Variants in TMEM171 observed in about 807,000 individuals in gnomAD.
TMEM171 encodes the protein proline-rich protein PRP2.
TMEM171 carries 16 observed loss-of-function variants against 19.1 expected under a neutral mutation model. That is an observed-to-expected ratio of 0.84 (90% confidence interval 0.57 to 1.27). The LOEUF is 1.27. Among genes scored for constraint, TMEM171 ranks in the 50% most tolerant of loss-of-function variants. The pLI is 0.00. For missense variants in TMEM171, 429 were observed against 412.7 expected (o/e 1.04, Z -0.34); for synonymous variants, 153 against 163.4 (o/e 0.94, Z 0.48).
In TMEM171 at chr5:73,123,752, AG is replaced by A; in HGVS notation, c.380del (p.Ser127ThrfsTer19). 1.2e-6 allele frequency: 2 copies of A among 1,614,092 alleles called. No individual in the cohort carries two copies. The highest frequency in any genetic ancestry group is 1.7e-6 in the Non-Finnish European group (2 of 1,179,966). On this transcript the variant is annotated frameshift_variant, in exon 2 of 4. Coordinates refer to ENST00000454765, the MANE Select transcript of TMEM171 (RefSeq NM_173490.8). LOFTEE classifies it high-confidence loss of function. ...GTTCTTGACAAGCGGCATGCTCATC[AG>A]CGTCCTGGGCATTTGGGTCCCTGGA... ...FLFLTSGMLI[S>X]VLGIWVPGCG...
chr5:73,120,950 C>G (rs1743992475), intron 1 of TMEM171, among the ~76,000 whole-genome samples: 1 of 152,180 alleles, frequency 6.6e-6, no homozygotes. Context: ...TGGAGAGGTG[C>G]TGTGAATTTT....
chr5:73,128,532 G>T lies in TMEM171; in HGVS notation c.782+1G>T. The T allele has an allele frequency of 6.2e-7, 1 of 1,613,758 alleles. No homozygotes were observed. Among genetic ancestry groups the T allele is most frequent in the Non-Finnish European group, 8.5e-7 (1 of 1,179,794 alleles). ...CATATTACAGTATTTTCAACTATGG[G>T]TAAGAATTTCAATTTGAACTTCAAG... On this transcript the variant is annotated splice_donor_variant, in intron 3 of 3. Coordinates refer to ENST00000454765, the MANE Select transcript of TMEM171 (RefSeq NM_173490.8). LOFTEE classifies it high-confidence loss of function.
intron 2 of TMEM171, among the ~76,000 whole-genome samples, chr5:73,125,586 CT>C (rs1162898247): frequency 6.6e-6 from 1 of 152,208 alleles, no homozygotes; most frequent in African/African-American, 2.4e-5. Flanking sequence ...AAAAAAGGGG[CT>C]CCCTTTAATT....
At chr5:73,127,804 A>G (rs1282288264) in intron 2 of TMEM171, among the ~76,000 whole-genome samples, 2 of 151,402 alleles carry the variant, frequency 1.3e-5, no homozygotes, top group Non-Finnish European at 2.9e-5. Flanking sequence ...GCAGTGGTAC[A>G]ATCATAGTTC....
At position 73,129,748 on chromosome 5, in the gene TMEM171, G is replaced by T. The variant is rs1744283889; in HGVS notation, c.782+1217G>T. The stretch of plus-strand genomic sequence containing the variant: ...CTTTAGATCATGGAGAGGTGTGAGG[G>T]TCTCAGGGGATCCCCAACAGTTACA... On this transcript the variant is annotated intron_variant, in intron 3 of 3. Transcript: ENST00000454765. Among the ~76,000 whole-genome samples, 3 of 152,308 alleles carry T rather than the reference G, an allele frequency of 2.0e-5. No homozygotes were observed. The South Asian group carries it at 6.2e-4, about 32-fold the overall frequency.
chr5:73,121,949 G>C (rs1192551357), intron 1 of TMEM171, among the ~76,000 whole-genome samples: 1 of 152,198 alleles, frequency 6.6e-6, no homozygotes, highest in Non-Finnish European at 1.5e-5. Flanking sequence ...GACTTACGGG[G>C]TCCTGGTAAA....
rs1217149532 is a variant in TMEM171 at position 73,123,973 on chromosome 5, G to A, written c.600G>A (p.Glu200=). 6.3e-7 allele frequency: 1 copy of A among 1,595,484 alleles called. No homozygotes were observed. Among genetic ancestry groups the A allele is most frequent in the Non-Finnish European group, 8.5e-7 (1 of 1,172,414 alleles). ...GCCAGGATGCCTCTGAGAGAGAAGA[G>A]GGACAGATCCAGATTATGGAGCCTG... ...NAGQDASERE[E]GQIQIMEPVQ... The change falls in exon 2 of 4, where the codon GAG becomes GAA. Residue 200 remains glutamate, a synonymous_variant. Coordinates refer to ENST00000454765, the MANE Select transcript of TMEM171 (RefSeq NM_173490.8).
At chr5:73,120,923 C>T (rs1337026237) in intron 1 of TMEM171, among the ~76,000 whole-genome samples, 3 of 152,184 alleles carry the variant, frequency 2.0e-5, no homozygotes, top group Admixed American at 1.3e-4. Context: ...TCCCCAAACG[C>T]ACCATAGCTT....
intron 3 of TMEM171, among the ~76,000 whole-genome samples, chr5:73,130,276 G>C (rs1358827877): frequency 3.9e-5 from 6 of 152,122 alleles, no homozygotes; most frequent in Non-Finnish European, 8.8e-5. Context: ...GGAGGGGCTT[G>C]TGCATACCCC....
chr5:73,120,594 G>A lies in TMEM171; in HGVS notation c.-171G>A, dbSNP rs1743974398. On this transcript the variant is annotated 5_prime_UTR_variant, in exon 1 of 4. In the 5' UTR this introduces an upstream ATG that the reference lacks. Transcript: ENST00000454765. ...CGCACCAGGACGCGCGGTGGGTAGGGTGCAGGGCGGCCGGCGCAGCCGAGG... is the reference window on the plus strand; with the variant it reads ...CGCACCAGGACGCGCGGTGGGTAGGATGCAGGGCGGCCGGCGCAGCCGAGG... 3.0e-6 allele frequency: 3 copies of A among 985,048 alleles called. No individual in the cohort carries two copies. The highest frequency in any genetic ancestry group is 1.7e-5 in the African/African-American group (1 of 57,278). 61.0% of individuals were successfully genotyped at this position (985,048 alleles called of 1,614,324 possible).
chr5:73,125,162 C>T (rs953691820), intron 2 of TMEM171, among the ~76,000 whole-genome samples: 1 of 152,152 alleles, frequency 6.6e-6, no homozygotes, highest in Non-Finnish European at 1.5e-5. Context: ...AGGGTAGATG[C>T]TCCCAGCTTA....
In TMEM171 at chr5:73,128,479, A is replaced by G; in HGVS notation, c.730A>G (p.Ser244Gly). 1 of 1,614,146 alleles carries G rather than the reference A, an allele frequency of 6.2e-7. No individual in the cohort carries two copies. Among genetic ancestry groups the G allele is most frequent in the South Asian group, 1.1e-5 (1 of 91,084 alleles). Residue 244 changes from serine (S) to glycine (G), a missense_variant, in exon 3 of 4, where the codon AGT becomes GGT. Physicochemically the swap from Ser to Gly is moderately conservative, Grantham distance 56. Coordinates refer to ENST00000454765, the MANE Select transcript of TMEM171 (RefSeq NM_173490.8). ...GGTCGCTGAGAGTCCTGGAACTAAC[A>G]GTCTGCTTCCGAATGAAAACCCCCC... ...SAVAESPGTN[S>G]LLPNENPPSY...
At chr5:73,126,134 C>A (rs754960373) in intron 2 of TMEM171, among the ~76,000 whole-genome samples, 3 of 152,124 alleles carry the variant, frequency 2.0e-5, no homozygotes, top group Non-Finnish European at 4.4e-5. Flanking sequence ...GGGCTGGAGA[C>A]CCTTGGAGGT....
intron 3 of TMEM171, among the ~76,000 whole-genome samples, chr5:73,131,224 AGT>A (rs56793908): frequency 5.5e-4 from 82 of 149,932 alleles, no homozygotes; most frequent in African/African-American, 5.6e-4. Context: ...GAGAACAGTA[AGT>A]GTGTGTGTGT....
intron 3 of TMEM171, 83 bp downstream of exon 3, chr5:73,128,614 T>C (rs1054258100): frequency 2.6e-6 from 4 of 1,522,270 alleles, no homozygotes; most frequent in Non-Finnish European, 2.7e-6. Flanking sequence ...CCAGGAGGCA[T>C]TCAAGTGTGA....
At position 73,125,895 on chromosome 5, in the gene TMEM171, A is replaced by G. The variant is rs572247832; in HGVS notation, c.640+1882A>G. Among the ~76,000 whole-genome samples, 3 of 152,356 alleles carry G rather than the reference A, an allele frequency of 2.0e-5. No homozygotes were observed. The South Asian group carries it at 6.2e-4, about 32-fold the overall frequency. ...CCTTTGATATTGTGGAATAGGGTTT[A>G]CATTTTTAGAATCCAAGAAGCATGC... On this transcript the variant is annotated intron_variant, in intron 2 of 3. Transcript: ENST00000454765.
intron 2 of TMEM171, among the ~76,000 whole-genome samples, chr5:73,124,541 C>T (rs1744111494): frequency 6.6e-6 from 1 of 152,212 alleles, no homozygotes; most frequent in Admixed American, 6.5e-5. Flanking sequence ...ATTCCTGCAG[C>T]ACTAACATTC....
intron 2 of TMEM171, 140 bp from the exon 3 acceptor site, chr5:73,128,250 C>G: frequency 4.1e-6 from 4 of 977,706 alleles, no homozygotes; most frequent in Non-Finnish European, 6.2e-6. Context: ...ATTTAATGGG[C>G]TTACTTTTAA....
intron 2 of TMEM171, among the ~76,000 whole-genome samples, chr5:73,127,273 G>A (rs1224873936): frequency 6.6e-6 from 1 of 150,430 alleles, no homozygotes; most frequent in Non-Finnish European, 1.5e-5. Flanking sequence ...AAAAGGCTTG[G>A]TCTTAGACTT....
Sources: gnomAD v4.1 joint callset for allele counts (sites outside exome capture counted in the v4.1 genomes callset) on GRCh38, gnomAD v4.1.1 for gene constraint, MANE v1.5 for transcripts, NCBI Gene and HGNC (gene_info 2026-07-23, HGNC 2026-07-21) for gene names.